The following RNF111 variants were observed in gnomAD, a reference collection of about 807,000 sequenced individuals.
The protein encoded by RNF111 is ring finger protein 111.
In RNF111, 17 loss-of-function variants were observed where a neutral mutation model predicts 95.1. The ratio of observed to expected loss-of-function variants is 0.18; its 90% CI spans 0.12 to 0.27. The LOEUF is 0.27. RNF111 is among the 10% of genes least tolerant of loss of function. The pLI, the probability that RNF111 is intolerant of heterozygous loss-of-function variation, is 1.00. For missense variants in RNF111, 1,189 were observed against 1,210.4 expected, an observed-to-expected ratio of 0.98 and a Z score of 0.26; for synonymous variants, 440 against 414.8, an observed-to-expected ratio of 1.06 and a Z score of -0.74.
At chr15:59,063,648 T>G (rs1167000442) in intron 5 of RNF111, among the ~76,000 whole-genome samples, 1 of 152,230 alleles carries the variant, frequency 6.6e-6, no homozygotes, top group Non-Finnish European at 1.5e-5. Context: ...TGGTTGTCTT[T>G]AGTTTTGGAT....
intron 1 of RNF111, among the ~76,000 whole-genome samples, chr15:59,024,322 A>G (rs1243825059): frequency 6.6e-6 from 1 of 152,202 alleles, no homozygotes; most frequent in African/African-American, 2.4e-5. Flanking sequence ...TGCAATTAAA[A>G]AAAATACTAA....
intron 6 of RNF111, among the ~76,000 whole-genome samples, chr15:59,068,877 C>G (rs1295760701): frequency 6.6e-6 from 1 of 152,018 alleles, no homozygotes; most frequent in South Asian, 2.1e-4. Context: ...GAGTTCGAGA[C>G]CAGCCTGACC....
Position 59,088,726 on chromosome 15 carries a change from T to C in RNF111, c.2551-941T>C, listed in dbSNP as rs556160033. Among the ~76,000 whole-genome samples the C allele has an allele frequency of 2.5e-4, 38 of 152,352 alleles. No homozygotes were observed. In the South Asian group the frequency reaches 5.2e-3, roughly 21 times the overall value. The stretch of plus-strand genomic sequence containing the variant: ...ACCCTTGCAAACCTCTGTTCACAAC[T>C]AATCAGTGTATAACCTTTTTTATGT... On this transcript the variant is annotated intron_variant, in intron 10 of 13. Transcript: ENST00000348370.
chr15:59,006,454 A>G (rs2039544064), intron 1 of RNF111, among the ~76,000 whole-genome samples: 1 of 152,176 alleles, frequency 6.6e-6, no homozygotes, highest in Admixed American at 6.5e-5. Context: ...AAGTAGTAGT[A>G]TTATTACTCT....
intron 1 of RNF111, among the ~76,000 whole-genome samples, chr15:58,994,415 C>A (rs1020979428): frequency 2.0e-5 from 3 of 150,162 alleles, no homozygotes; most frequent in African/African-American, 7.4e-5. Flanking sequence ...CTTGAATACT[C>A]ATTATTCAGA....
intron 6 of RNF111, among the ~76,000 whole-genome samples, chr15:59,071,847 A>C (rs2042943329): frequency 6.6e-6 from 1 of 152,210 alleles, no homozygotes; most frequent in Non-Finnish European, 1.5e-5. Flanking sequence ...GTTTGGTTCC[A>C]GACAACCACA....
chr15:59,066,699 A>G (rs2042672009), intron 5 of RNF111, 65 bp from the exon 6 acceptor site: 2 of 1,223,968 alleles, frequency 1.6e-6, no homozygotes, highest in Admixed American at 1.9e-5. Context: ...TATACCCCAT[A>G]CCTATTTTTT....
rs139742512 is a variant in RNF111, at chr15:59,076,098, C to G, written c.1831C>G (p.Pro611Ala). 63 of 1,614,100 alleles carry G rather than the reference C, an allele frequency of 3.9e-5. No individual in the cohort carries two copies. Among genetic ancestry groups the G allele is most frequent in the African/African-American group, 5.3e-5 (4 of 74,936 alleles). The change falls in exon 7 of 14, where the codon CCA becomes GCA. Residue 611 changes from proline to alanine, a missense_variant. Pro to Ala is a conservative substitution (Grantham distance 27). Around this residue, in one of 2 missense-constraint regions of RNF111, gnomAD observed 1,024 missense variants for 925.9 expected, o/e 1.11. Transcript: ENST00000348370. ...IFGHQAAAAA[P>A]SQPLSSIDGY... ...TGGCCATCAGGCCGCTGCTGCTGCCCCAAGTCAACCTTTATCATCAATAGA... is the reference window on the plus strand; with the variant it reads ...TGGCCATCAGGCCGCTGCTGCTGCCGCAAGTCAACCTTTATCATCAATAGA...
chr15:59,039,491 A>C (rs554458430), intron 2 of RNF111, among the ~76,000 whole-genome samples: 1 of 152,164 alleles, frequency 6.6e-6, no homozygotes, highest in African/African-American at 2.4e-5. Context: ...TTATGAATGC[A>C]TGAATTTTAG....
chr15:59,070,707 G>T lies in RNF111; in HGVS notation c.1686+3624G>T, dbSNP rs117267878. On this transcript the variant is annotated intron_variant, in intron 6 of 13. Coordinates refer to ENST00000348370, the MANE Select transcript of RNF111 (RefSeq NM_017610.8). ...CCTCCTTTTCTCTTTCCCAACTTGA[G>T]TATCATCACACCCCTTTCCTTTCAG... Among the ~76,000 whole-genome samples, 64 of 152,208 alleles carry T rather than the reference G, an allele frequency of 4.2e-4. No individual in the cohort carries two copies. In the East Asian group the frequency reaches 0.012, roughly 29 times the overall value.
At chr15:58,997,835 A>C (rs1001229400) in intron 1 of RNF111, among the ~76,000 whole-genome samples, 1 of 151,616 alleles carries the variant, frequency 6.6e-6, no homozygotes, top group South Asian at 2.1e-4. Flanking sequence ...ACAAAAACCC[A>C]AAAAATTTGT....
intron 4 of RNF111, among the ~76,000 whole-genome samples, chr15:59,056,501 A>G (rs544982863): frequency 1.9e-4 from 29 of 152,346 alleles, no homozygotes; most frequent in African/African-American, 6.5e-4. Context: ...ATAATTTCCC[A>G]AAAGGAAAAT....
intron 7 of RNF111, among the ~76,000 whole-genome samples, chr15:59,077,239 A>G (rs1180111302): frequency 3.3e-5 from 5 of 152,210 alleles, no homozygotes; most frequent in Admixed American, 2.6e-4. Context: ...TTGAAATTCA[A>G]TATGCTTAAT....
At chr15:59,012,110 C>T (rs774929605) in intron 1 of RNF111, among the ~76,000 whole-genome samples, 8 of 142,338 alleles carry the variant, frequency 5.6e-5, no homozygotes, top group Non-Finnish European at 1.2e-4. Context: ...CCTCCGCCTC[C>T]TGAGTTCAGG....
chr15:59,084,580 C>T (rs1218555018), intron 9 of RNF111, among the ~76,000 whole-genome samples: 1 of 152,112 alleles, frequency 6.6e-6, no homozygotes, highest in Non-Finnish European at 1.5e-5. Context: ...AGGCTAATGG[C>T]ACATTTATCA....
At chr15:59,065,480 A>G (rs1189240966) in intron 5 of RNF111, among the ~76,000 whole-genome samples, 1 of 152,188 alleles carries the variant, frequency 6.6e-6, no homozygotes, top group Non-Finnish European at 1.5e-5. Flanking sequence ...ATGCAAGGCA[A>G]TTTTATTACC....
chr15:59,014,544 A>T (rs1397060813), intron 1 of RNF111, among the ~76,000 whole-genome samples: 1 of 152,180 alleles, frequency 6.6e-6, no homozygotes, highest in Admixed American at 6.5e-5. Flanking sequence ...TTTCAAAAGC[A>T]TTTTTCTGTT....
At chr15:59,014,697 C>G (rs767826744) in intron 1 of RNF111, among the ~76,000 whole-genome samples, 21 of 151,322 alleles carry the variant, frequency 1.4e-4, no homozygotes, top group Non-Finnish European at 2.1e-4. Flanking sequence ...AGCATGTTAT[C>G]AGGAAAACTG....
intron 7 of RNF111, among the ~76,000 whole-genome samples, chr15:59,076,782 A>G (rs538514912): frequency 6.6e-6 from 1 of 152,362 alleles, no homozygotes; most frequent in Admixed American, 6.5e-5. Context: ...CTCTAAGGCT[A>G]TGTAACATAT....
Sources: gnomAD v4.1 joint callset for allele counts (sites outside exome capture counted in the v4.1 genomes callset) on GRCh38, gnomAD v4.1.1 for gene constraint, gnomAD v4.1.1 regional missense constraint, MANE v1.5 for transcripts, NCBI Gene and HGNC (gene_info 2026-07-23, HGNC 2026-07-21) for gene names.